SYT14: variants seen among roughly 807,000 people sequenced by gnomAD.
SYT14 encodes the protein synaptotagmin 14.
In SYT14, 32 loss-of-function variants were observed where a neutral mutation model predicts 74.2. The ratio of observed to expected loss-of-function variants is 0.43; its 90% confidence interval spans 0.33 to 0.58. The LOEUF (loss-of-function observed/expected upper bound fraction) is 0.58, where lower values mean the gene tolerates loss of function less well. Among genes scored for constraint, SYT14 ranks in the 20% least tolerant of loss-of-function variants. The pLI, the probability that SYT14 is intolerant of heterozygous loss-of-function variation, is 0.05. For synonymous variants in SYT14, 298 were observed against 337.7 expected (o/e 0.88, Z 1.29); for missense variants, 791 against 981.8 (o/e 0.81, Z 2.60).
chr1:210,093,208 T>C (rs2081908003), intron 5 of SYT14, among the ~76,000 whole-genome samples: 1 of 152,216 alleles, frequency 6.6e-6, no homozygotes, highest in Non-Finnish European at 1.5e-5. Flanking sequence ...AGCATTTTGG[T>C]AATTTTTAAA....
intron 2 of SYT14, among the ~76,000 whole-genome samples, chr1:209,976,869 C>T (rs2079375820): frequency 6.6e-6 from 1 of 152,012 alleles, no homozygotes; most frequent in East Asian, 1.9e-4. Flanking sequence ...TAAGGACTTG[C>T]TTTATGAATC....
intron 7 of SYT14, among the ~76,000 whole-genome samples, chr1:210,107,869 A>AT (rs76415770): frequency 0.049 from 7,438 of 151,008 alleles, 999 homozygotes; most frequent in East Asian, 0.41. Flanking sequence ...GTTTATGGTG[A>AT]TTTTTTTTTA....
intron 7 of SYT14, among the ~76,000 whole-genome samples, chr1:210,112,208 G>A (rs1303474828): frequency 6.6e-6 from 1 of 151,228 alleles, no homozygotes; most frequent in Non-Finnish European, 1.5e-5. Context: ...CCTGACTCAG[G>A]GCATGTGAGT....
chr1:210,046,606 G>A (rs1405541305), intron 5 of SYT14, among the ~76,000 whole-genome samples: 1 of 152,028 alleles, frequency 6.6e-6, no homozygotes, highest in Non-Finnish European at 1.5e-5. Flanking sequence ...TTATATAATT[G>A]GGATCATACA....
intron 2 of SYT14, among the ~76,000 whole-genome samples, chr1:209,962,164 C>T (rs1195727908): frequency 6.6e-6 from 1 of 151,880 alleles, no homozygotes; most frequent in Non-Finnish European, 1.5e-5. Context: ...CTCTTTTTCT[C>T]AGTGTATAAT....
chr1:209,957,828 A>G (rs559651465), intron 2 of SYT14, among the ~76,000 whole-genome samples: 4 of 152,062 alleles, frequency 2.6e-5, no homozygotes, highest in East Asian at 3.9e-4. Context: ...GGCAGATTCC[A>G]TTTTTTTCAG....
chr1:209,983,052 TTTA>T (rs1273765894), intron 2 of SYT14, among the ~76,000 whole-genome samples: 1 of 152,144 alleles, frequency 6.6e-6, no homozygotes, highest in Non-Finnish European at 1.5e-5. Flanking sequence ...TGTTTTTTTT[TTTA>T]TTGTTGAGTT....
intron 5 of SYT14, among the ~76,000 whole-genome samples, chr1:210,040,991 G>A (rs115960212): frequency 1.8e-3 from 274 of 152,312 alleles, no homozygotes; most frequent in African/African-American, 6.2e-3. Context: ...TATGGTGCCT[G>A]TGGTGGCTTC....
intron 7 of SYT14, among the ~76,000 whole-genome samples, chr1:210,130,885 T>C (rs946400557): frequency 6.6e-6 from 1 of 152,218 alleles, no homozygotes; most frequent in Non-Finnish European, 1.5e-5. Flanking sequence ...CCTATTTTAA[T>C]GAACATATAA....
chr1:209,987,205 C>T (rs539255975), intron 2 of SYT14, among the ~76,000 whole-genome samples: 12 of 152,314 alleles, frequency 7.9e-5, no homozygotes, highest in African/African-American at 2.9e-4. Context: ...TACCCACTTC[C>T]AAAGTTGCTT....
chr1:210,073,951 C>T (rs2081442260), intron 5 of SYT14, among the ~76,000 whole-genome samples: 1 of 151,982 alleles, frequency 6.6e-6, no homozygotes, highest in Non-Finnish European at 1.5e-5. Context: ...TTTATTATTT[C>T]AAGTTGTTGA....
intron 5 of SYT14, among the ~76,000 whole-genome samples, chr1:210,063,406 G>A (rs571891034): frequency 2.8e-4 from 43 of 151,726 alleles, no homozygotes; most frequent in African/African-American, 9.9e-4. Flanking sequence ...GAACTTTATT[G>A]TGTTCCAATT....
chr1:210,027,435 AG>A (rs2080438193), intron 5 of SYT14, among the ~76,000 whole-genome samples: 1 of 151,810 alleles, frequency 6.6e-6, no homozygotes. Flanking sequence ...AAAAGTCATA[AG>A]GAAAAGAAAA....
chr1:210,013,499 CTG>C (rs1048106410), intron 2 of SYT14, 132 bp from the exon 3 acceptor site: 14 of 863,178 alleles, frequency 1.6e-5, no homozygotes, highest in South Asian at 3.7e-5. Flanking sequence ...ATAAACGAAA[CTG>C]TTTTTAAACT....
chr1:210,105,122 T>A (rs1481644722), intron 7 of SYT14, among the ~76,000 whole-genome samples: 1 of 152,106 alleles, frequency 6.6e-6, no homozygotes, highest in Non-Finnish European at 1.5e-5. Flanking sequence ...TCTCCGAAAC[T>A]TTCTGAATTA....
At chr1:210,097,351 G>A (rs1187115748) in intron 6 of SYT14, among the ~76,000 whole-genome samples, 4 of 152,126 alleles carry the variant, frequency 2.6e-5, no homozygotes, top group African/African-American at 9.7e-5. Context: ...AAACGCTGTT[G>A]ATAACCTATT....
chr1:210,074,427 T>C (rs1351060855), intron 5 of SYT14, among the ~76,000 whole-genome samples: 1 of 152,212 alleles, frequency 6.6e-6, no homozygotes, highest in East Asian at 1.9e-4. Flanking sequence ...TCCTGTTAAG[T>C]ACTGTATAGA....
chr1:210,003,324 A>T lies in SYT14; in HGVS notation c.-485-10309A>T, dbSNP rs186143262. On this transcript the variant is annotated intron_variant, in intron 2 of 9. Transcript: ENST00000637265. ...TTCTACTTTTAAAATAATTCTTGGT[A>T]TCTGGTAGAGTTTCCTCCCTTTAGT... is the stretch of plus-strand genomic sequence containing the variant. Among the ~76,000 whole-genome samples the T allele has an allele frequency of 2.6e-5, 4 of 152,282 alleles. No individual in the cohort carries two copies. The East Asian group carries it at 7.7e-4, about 29-fold the overall frequency.
chr1:210,079,535 C>CA (rs2081580743), intron 5 of SYT14, among the ~76,000 whole-genome samples: 1 of 152,134 alleles, frequency 6.6e-6, no homozygotes, highest in African/African-American at 2.4e-5. Flanking sequence ...TTGGGCGTGA[C>CA]ATTGTCCGAG....
Sources: allele counts gnomAD v4.1 joint callset (sites outside exome capture counted in the v4.1 genomes callset), GRCh38; gene constraint gnomAD v4.1.1; transcripts MANE v1.5; gene names NCBI Gene and HGNC (gene_info 2026-07-23, HGNC 2026-07-21).